FGF14: variants seen among roughly 807,000 people sequenced by gnomAD.
FGF14 encodes fibroblast growth factor 14.
Under a neutral mutation model 25.5 loss-of-function variants are expected in FGF14, and 5 were observed. That is an observed-to-expected ratio of 0.20 (90% CI 0.10 to 0.41). The LOEUF is 0.41. Among genes scored for constraint, FGF14 ranks in the 10% least tolerant of loss-of-function variants. The probability of loss-of-function intolerance (pLI) is 1.00; values close to 1 mark genes in which losing one functional copy is unlikely to be tolerated. For synonymous variants in FGF14, 138 were observed against 118.3 expected, an observed-to-expected ratio of 1.17 and a Z score of -1.08; for missense variants, 222 against 320.1, an observed-to-expected ratio of 0.69 and a Z score of 2.34.
intron 1 of FGF14, among the ~76,000 whole-genome samples, chr13:102,263,743 A>G (rs2052838796): frequency 1.3e-5 from 2 of 152,208 alleles, no homozygotes; most frequent in African/African-American, 4.8e-5. Context: ...GCTAAAATTC[A>G]GAATTTGTTT....
intron 1 of FGF14, among the ~76,000 whole-genome samples, chr13:102,360,871 G>GCA (rs147210243): frequency 1.1e-4 from 17 of 151,196 alleles, no homozygotes; most frequent in Non-Finnish European, 1.5e-4. Context: ...ACTTGTGCGT[G>GCA]CACACACACA....
chr13:101,886,802 G>C (rs1322255952), intron 1 of FGF14, among the ~76,000 whole-genome samples: 3 of 152,012 alleles, frequency 2.0e-5, no homozygotes, highest in African/African-American at 7.2e-5. Context: ...TATCTAACAA[G>C]GGATTAATAA....
At chr13:101,723,513 A>C (rs1161680340) in intron 4 of FGF14, among the ~76,000 whole-genome samples, 1 of 152,054 alleles carries the variant, frequency 6.6e-6, no homozygotes, top group South Asian at 2.1e-4. Context: ...ATAATAACAA[A>C]TAACTCTCTT....
intron 1 of FGF14, among the ~76,000 whole-genome samples, chr13:101,934,554 T>C (rs2034977116): frequency 6.6e-6 from 1 of 152,234 alleles, no homozygotes; most frequent in Admixed American, 6.5e-5. Flanking sequence ...AATTCATCGA[T>C]ATGTTTACCT....
At chr13:101,898,301 C>T (rs1009563262) in intron 1 of FGF14, among the ~76,000 whole-genome samples, 7 of 150,764 alleles carry the variant, frequency 4.6e-5, no homozygotes, top group African/African-American at 1.7e-4. Context: ...AAGCATTTCA[C>T]ACAAGAGATA....
chr13:102,098,142 C>G (rs1034480048), intron 1 of FGF14, among the ~76,000 whole-genome samples: 3 of 152,236 alleles, frequency 2.0e-5, no homozygotes, highest in African/African-American at 7.2e-5. Flanking sequence ...ATGAAACTGT[C>G]TCAAGACCCC....
chr13:101,875,509 G>A (rs1183339705), intron 1 of FGF14, among the ~76,000 whole-genome samples: 1 of 152,022 alleles, frequency 6.6e-6, no homozygotes, highest in East Asian at 1.9e-4. Flanking sequence ...GAAACAGGCT[G>A]TTTTATAAAA....
chr13:102,110,379 A>G (rs1388673077), intron 1 of FGF14, among the ~76,000 whole-genome samples: 2 of 152,176 alleles, frequency 1.3e-5, no homozygotes, highest in Non-Finnish European at 2.9e-5. Flanking sequence ...AACGATGCAC[A>G]GCTACATTTA....
At position 101,722,936 on chromosome 13, in the gene FGF14, A is replaced by T. The variant is rs200267048; in HGVS notation, c.639T>A (p.Asp213Glu). 4 of 1,613,302 alleles carry T rather than the reference A, an allele frequency of 2.5e-6. No homozygotes were observed. The East Asian group carries it at 6.7e-5, about 27-fold the overall frequency. Residue 213 changes from aspartate to glutamate, a missense_variant, in exon 5 of 5, where the codon GAT (aspartate) becomes GAA (glutamate). By Grantham distance (45) the Asp-to-Glu change is conservative. Transcript: ENST00000376143. ...VAMYREPSLH[D>E]VGETVPKPGV... is the part of the protein sequence containing the mutation. ...CAGGCTTCGGGACCGTTTCCCCAAC[A>T]TCATGCAAAGATGGTTCTCGGTACA...
At chr13:101,726,583 T>G in intron 4 of FGF14, 29 bp downstream of exon 4, 1 of 1,593,682 alleles carries the variant, frequency 6.3e-7, no homozygotes, top group Admixed American at 1.7e-5. Flanking sequence ...AATAAGTCTA[T>G]GTAATAATAA....
intron 1 of FGF14, among the ~76,000 whole-genome samples, chr13:101,888,955 G>C (rs76775387): frequency 5.9e-5 from 9 of 152,098 alleles, no homozygotes; most frequent in African/African-American, 2.2e-4. Context: ...GTTAAAATGA[G>C]GTCATTAGGT....
chr13:101,911,353 C>T (rs2032913696), intron 1 of FGF14, among the ~76,000 whole-genome samples: 1 of 152,088 alleles, frequency 6.6e-6, no homozygotes, highest in African/African-American at 2.4e-5. Context: ...AGGATTTCTT[C>T]ACCAGACAGT....
At chr13:102,360,019 T>G (rs972772477) in intron 1 of FGF14, among the ~76,000 whole-genome samples, 1 of 76,240 alleles carries the variant, frequency 1.3e-5, no homozygotes, top group South Asian at 3.8e-4. Context: ...CACGATGATG[T>G]CTTTAAAACA....
intron 1 of FGF14, among the ~76,000 whole-genome samples, chr13:101,970,343 T>C (rs2037516827): frequency 1.3e-5 from 2 of 152,226 alleles, no homozygotes; most frequent in African/African-American, 4.8e-5. Context: ...TATTTTCATA[T>C]GGTTCCTTCA....
At chr13:101,925,540 C>T (rs1355212812) in intron 1 of FGF14, among the ~76,000 whole-genome samples, 11 of 152,210 alleles carry the variant, frequency 7.2e-5, no homozygotes, top group Admixed American at 7.2e-4. Context: ...TAATCTGCCT[C>T]TGATCTTGTA....
chr13:101,934,251 T>C (rs1407110977), intron 1 of FGF14, among the ~76,000 whole-genome samples: 2 of 152,222 alleles, frequency 1.3e-5, no homozygotes, highest in East Asian at 3.8e-4. Flanking sequence ...CAAAGTGGTA[T>C]ATTCGTACAT....
intron 3 of FGF14, among the ~76,000 whole-genome samples, chr13:101,831,956 C>A (rs1279431878): frequency 2.0e-5 from 3 of 151,892 alleles, no homozygotes; most frequent in Non-Finnish European, 4.4e-5. Flanking sequence ...ATAATGGCCA[C>A]CAAATATATC....
intron 1 of FGF14, among the ~76,000 whole-genome samples, chr13:102,383,036 C>A (rs1725871544): frequency 6.6e-6 from 1 of 151,876 alleles, no homozygotes; most frequent in Admixed American, 6.6e-5. Context: ...GTAATGGTTG[C>A]ACAACTATGT....
chr13:102,227,025 T>C (rs1254964972), intron 1 of FGF14, among the ~76,000 whole-genome samples: 2 of 152,130 alleles, frequency 1.3e-5, no homozygotes, highest in African/African-American at 2.4e-5. Flanking sequence ...TTTTCCTATA[T>C]TCTATCAAAT....
Sources: allele counts gnomAD v4.1 joint callset (sites outside exome capture counted in the v4.1 genomes callset), GRCh38; gene constraint gnomAD v4.1.1; transcripts MANE v1.5; gene names NCBI Gene and HGNC (gene_info 2026-07-23, HGNC 2026-07-21).